Variants in EP400 observed in about 807,000 individuals in gnomAD.
EP400 encodes E1A binding protein p400.
EP400 carries 105 observed loss-of-function variants against 354.1 expected under a neutral mutation model. That is an observed-to-expected ratio of 0.30 (90% CI 0.25 to 0.35). The LOEUF (loss-of-function observed/expected upper bound fraction) is 0.35, where lower values mean the gene tolerates loss of function less well. Ranked by LOEUF, EP400 falls within the 10% of genes least tolerant of loss-of-function variation. EP400 has a pLI of 1.00. For missense variants in EP400, 3,280 were observed against 4,121.0 expected (o/e 0.80, Z 5.59); for synonymous variants, 1,646 against 1,716.9 (o/e 0.96, Z 1.02).
At chr12:132,000,259 T>C (rs891212272) in intron 12 of EP400, among the ~76,000 whole-genome samples, 2 of 152,158 alleles carry the variant, frequency 1.3e-5, no homozygotes, top group South Asian at 2.1e-4. Context: ...TGTTTCTTAA[T>C]TTCCAAACAA....
intron 27 of EP400, chr12:132,028,986 G>T (rs1191681814): frequency 6.6e-6 from 1 of 152,454 alleles, no homozygotes; most frequent in Non-Finnish European, 1.5e-5. Flanking sequence ...TGGAAAAAAA[G>T]AAAACTGGGA....
chr12:131,997,429 A>G (rs1292147944), intron 12 of EP400, among the ~76,000 whole-genome samples: 1 of 151,934 alleles, frequency 6.6e-6, no homozygotes, highest in African/African-American at 2.4e-5. Flanking sequence ...TACCACGCCC[A>G]GCTGATTTTT....
intron 48 of EP400, 128 bp from the exon 49 acceptor site, chr12:132,066,646 T>G (rs1895902754): frequency 2.0e-6 from 2 of 991,778 alleles, no homozygotes; most frequent in South Asian, 1.6e-5. Flanking sequence ...TCCTTTCCTG[T>G]TGGGCCACTT....
At chr12:132,051,094 G>C (rs972016851) in intron 41 of EP400, 1 of 204,538 alleles carries the variant, frequency 4.9e-6, no homozygotes, top group African/African-American at 2.3e-5. Flanking sequence ...TACAGAAGTG[G>C]GTAGATGCAA....
chr12:131,987,624 G>T, intron 6 of EP400, 81 bp from the exon 7 acceptor site: 1 of 1,282,750 alleles, frequency 7.8e-7, no homozygotes, highest in East Asian at 2.5e-5. Flanking sequence ...TGCATAGTAG[G>T]GCTTCAAATT....
Position 132,054,767 on chromosome 12 carries a change from A to C in EP400, c.7729-207A>C, listed in dbSNP as rs1386132012. On this transcript the variant is annotated intron_variant, in intron 43 of 52. Transcript: ENST00000389561. The surrounding 1 kb of genome is among the most constrained non-coding windows in gnomAD (Gnocchi z 4.0). ...GTGGGATGGAGGGTCCCTGGGGTGG[A>C]GGGACAATGGGATAGGGGTGGAGGG... Among the ~76,000 whole-genome samples the C allele has an allele frequency of 6.8e-6, 1 of 147,854 alleles. No individual in the cohort carries two copies. The highest frequency in any genetic ancestry group is 1.5e-5 in the Non-Finnish European group (1 of 67,062).
chr12:132,078,819 G>A lies in EP400; in HGVS notation c.*1146G>A, dbSNP rs1353833776. 6.6e-6 allele frequency: 1 copy of A among 152,222 alleles called. No homozygotes were observed. Among genetic ancestry groups the A allele is most frequent in the Non-Finnish European group, 1.5e-5 (1 of 68,040 alleles). 9.4% of individuals were successfully genotyped at this position (152,222 alleles called of 1,614,324 possible). On this transcript the variant is annotated 3_prime_UTR_variant, in exon 53 of 53. Coordinates refer to ENST00000389561, the MANE Select transcript of EP400 (RefSeq NM_015409.5). ...AGAACCACCTGTGCTGTTGTGGAAG[G>A]CGTGCCGTTGAGGGGGAAAACGAAG... is the stretch of plus-strand genomic sequence containing the variant.
In EP400 at chr12:131,982,168, CG is replaced by C; in HGVS notation, c.1623del (p.Pro542LeufsTer43). The C allele has an allele frequency of 1.2e-6, 2 of 1,607,858 alleles. No individual in the cohort carries two copies. The highest frequency in any genetic ancestry group is 1.7e-6 in the Non-Finnish European group (2 of 1,175,760). ...AGTCAGCAGCAGTATGACCCCTCCA[CG>C]GGGCCTCCCGTGCAGAACGCTGCCA... ...RQSQQQYDPSTGPPVQNAASL... is the reference protein window; with the variant it reads ...RQSQQQYDPSXGPPVQNAASL... On this transcript the variant is annotated frameshift_variant, in exon 5 of 53. Transcript: ENST00000389561. LOFTEE classifies it high-confidence loss of function.
intron 47 of EP400, 61 bp from the exon 48 acceptor site, chr12:132,064,607 G>A: frequency 1.3e-6 from 2 of 1,572,050 alleles, no homozygotes; most frequent in South Asian, 1.2e-5. Flanking sequence ...GGAACAAGAT[G>A]TCTACTTAAA....
At chr12:131,998,707 G>A (rs1893298644) in intron 12 of EP400, among the ~76,000 whole-genome samples, 1 of 93,084 alleles carries the variant, frequency 1.1e-5, no homozygotes, top group Non-Finnish European at 2.2e-5. Context: ...ATACAGTCTT[G>A]TATACAAAGA....
chr12:132,007,924 T>C (rs1893637529), intron 15 of EP400, among the ~76,000 whole-genome samples: 1 of 147,910 alleles, frequency 6.8e-6, no homozygotes. Flanking sequence ...GAGGCAGGGC[T>C]GAGGGTCCCT....
rs774070830 is a variant in EP400, at chr12:132,029,946, G to C, written c.5584+43G>C. The C allele has an allele frequency of 1.8e-5, 29 of 1,611,962 alleles. No individual in the cohort carries two copies. Among genetic ancestry groups the C allele is most frequent in the Non-Finnish European group, 2.0e-5 (24 of 1,179,610 alleles). ...GCGTGGCCCGTGCGGGAGCTGCACC[G>C]GCCCTGGATGATGAGGCGCTCTTGA... On this transcript the variant is annotated intron_variant, in intron 28 of 52. Transcript: ENST00000389561. The surrounding 1 kb of genome is among the most constrained non-coding windows in gnomAD (Gnocchi z 4.7).
intron 1 of EP400, among the ~76,000 whole-genome samples, chr12:131,955,398 T>C (rs1183159869): frequency 1.3e-5 from 2 of 152,070 alleles, no homozygotes. Context: ...TTCTCTTGCC[T>C]CAGCCTCCCG....
intron 2 of EP400, among the ~76,000 whole-genome samples, chr12:131,976,261 G>C (rs1041646896): frequency 6.6e-6 from 1 of 152,112 alleles, no homozygotes; most frequent in South Asian, 2.1e-4. Flanking sequence ...AGTATGGCTC[G>C]TGTTTTTTGT....
intron 15 of EP400, 137 bp downstream of exon 15, chr12:132,007,014 G>A (rs750527029): frequency 3.5e-5 from 31 of 883,954 alleles, no homozygotes; most frequent in Non-Finnish European, 5.3e-5. Context: ...GCAAATTGAG[G>A]CTCAGAAGTA....
intron 1 of EP400, among the ~76,000 whole-genome samples, chr12:131,960,102 A>G (rs1483710210): frequency 6.6e-6 from 1 of 152,222 alleles, no homozygotes. Context: ...TTGTCCCTCC[A>G]TAGGGAGAGA....
rs534418910 is a variant in EP400 at position 132,016,740 on chromosome 12, G to C, written c.3924-795G>C. On this transcript the variant is annotated intron_variant, in intron 19 of 52. Transcript: ENST00000389561. Reference sequence around the variant, plus strand: ...GTCACCTGCACTTGAGCTGACCCTTGAGCTCCTCACGTCCGGCGTGGCAGA... The same window carrying C: ...GTCACCTGCACTTGAGCTGACCCTTCAGCTCCTCACGTCCGGCGTGGCAGA... Among the ~76,000 whole-genome samples the C allele has an allele frequency of 4.6e-5, 7 of 152,300 alleles. No homozygotes were observed. In the East Asian group the frequency reaches 1.4e-3, roughly 29 times the overall value.
chr12:132,039,100 G>T (rs189155576), intron 32 of EP400, among the ~76,000 whole-genome samples: 1 of 151,934 alleles, frequency 6.6e-6, no homozygotes, highest in Non-Finnish European at 1.5e-5. Flanking sequence ...CATGGTGTCA[G>T]CCCCCTCCTT....
intron 2 of EP400, among the ~76,000 whole-genome samples, chr12:131,977,784 T>C (rs887084838): frequency 1.7e-4 from 26 of 152,170 alleles, no homozygotes; most frequent in African/African-American, 6.3e-4. Flanking sequence ...TATGCTGTAT[T>C]GTGGCTGATT....
Sources: gnomAD v4.1 joint callset for allele counts (sites outside exome capture counted in the v4.1 genomes callset) on GRCh38, gnomAD v4.1.1 for gene constraint, Gnocchi (gnomAD v3.1) non-coding constraint, MANE v1.5 for transcripts, NCBI Gene and HGNC (gene_info 2026-07-23, HGNC 2026-07-21) for gene names.